Variants in BCAS3 observed in about 807,000 individuals in gnomAD.
BCAS3 encodes the protein BCAS4/BCAS3 fusion.
Under a neutral mutation model 116.1 loss-of-function variants are expected in BCAS3, and 53 were observed. That is an observed-to-expected ratio of 0.46 (90% CI 0.37 to 0.57). The LOEUF (loss-of-function observed/expected upper bound fraction) is 0.57. BCAS3 is among the 20% of genes least tolerant of loss of function. BCAS3 has a pLI of 0.00. For missense variants in BCAS3, 917 were observed against 1,165.4 expected, an observed-to-expected ratio of 0.79 and a Z score of 3.10; for synonymous variants, 391 against 408.2, an observed-to-expected ratio of 0.96 and a Z score of 0.51.
rs192167064 is a variant in BCAS3 at position 61,076,757 on chromosome 17, G to A, written c.2131-1576G>A. 5.1e-4 allele frequency among the ~76,000 whole-genome samples: 78 copies of A among 152,278 alleles called. 1 individual carries two copies. In the East Asian group the frequency reaches 0.014, roughly 28 times the overall value. ...GGCTCTGTGACACTGATGGTTTTGA[G>A]CTTAAAGTACACAGAATGCTTTATC... is the stretch of plus-strand genomic sequence containing the variant. On this transcript the variant is annotated intron_variant, in intron 20 of 23. Coordinates refer to ENST00000407086, the MANE Select transcript of BCAS3 (RefSeq NM_017679.5).
In BCAS3 at chr17:61,249,179, C is replaced by T. The variant is rs1046212121; in HGVS notation, c.2426-119148C>T. ...GCGGGTGCCTGTAATCCCAGCTACT[C>T]GGGAGGCTGAGGCAGGAGAATCACT... On this transcript the variant is annotated intron_variant, in intron 22 of 23. Coordinates refer to ENST00000407086, the MANE Select transcript of BCAS3 (RefSeq NM_017679.5). This position sits in a 1 kb window ranked among gnomAD's most constrained non-coding sequence, Gnocchi z 6.2. 4.0e-5 allele frequency among the ~76,000 whole-genome samples: 6 copies of T among 151,870 alleles called. No individual in the cohort carries two copies. Among genetic ancestry groups the T allele is most frequent in the African/African-American group, 9.7e-5 (4 of 41,316 alleles).
intron 22 of BCAS3, among the ~76,000 whole-genome samples, chr17:61,234,745 A>C (rs2082894276): frequency 6.7e-6 from 1 of 148,824 alleles, no homozygotes. Context: ...CTTCCCACTG[A>C]CTGTTAGAAC....
chr17:61,003,831 TGGAAGCTTTTTGAATGTG>T (rs1488113325), intron 15 of BCAS3: 2 of 152,166 alleles, frequency 1.3e-5, no homozygotes, highest in East Asian at 3.9e-4. Context: ...AGGAACTGAT[TGGAAGCTTTTTGAATGTG>T]GGAAGGGCAT....
rs1258445666 is a variant in BCAS3 at position 61,118,554 on chromosome 17, G to A, written c.2425+33990G>A. Among the ~76,000 whole-genome samples the A allele has an allele frequency of 6.6e-6, 1 of 152,170 alleles. No individual in the cohort carries two copies. Among genetic ancestry groups the A allele is most frequent in the Non-Finnish European group, 1.5e-5 (1 of 68,026 alleles). Reference sequence around the variant, plus strand: ...CTTCTCCAACACCACCCCTGTGGAGGTGTTGGGCACCTTGTCATAGCCTCT... The same window carrying A: ...CTTCTCCAACACCACCCCTGTGGAGATGTTGGGCACCTTGTCATAGCCTCT... On this transcript the variant is annotated intron_variant, in intron 22 of 23. Coordinates refer to ENST00000407086, the MANE Select transcript of BCAS3 (RefSeq NM_017679.5). The surrounding 1 kb of genome is among the most constrained non-coding windows in gnomAD (Gnocchi z 5.0).
intron 7 of BCAS3, among the ~76,000 whole-genome samples, chr17:60,840,962 A>C (rs2051844381): frequency 6.6e-6 from 1 of 152,176 alleles, no homozygotes; most frequent in Non-Finnish European, 1.5e-5. Context: ...AGAATTCCAG[A>C]AATGTTAGTG....
At chr17:60,757,627 AT>A (rs1011202353) in intron 6 of BCAS3, among the ~76,000 whole-genome samples, 1 of 151,844 alleles carries the variant, frequency 6.6e-6, no homozygotes, top group African/African-American at 2.4e-5. Context: ...AAATTGTTGA[AT>A]TTTTTGAGTT....
intron 6 of BCAS3, among the ~76,000 whole-genome samples, chr17:60,779,936 CT>C (rs1320444528): frequency 6.6e-6 from 1 of 151,730 alleles, no homozygotes; most frequent in African/African-American, 2.4e-5. Flanking sequence ...AGCTTGGTGT[CT>C]ATTGCAATAT....
At chr17:60,825,525 A>ATTATAATAATTTATAAATAATTAT (rs1215874840) in intron 7 of BCAS3, among the ~76,000 whole-genome samples, 27 of 139,418 alleles carry the variant, frequency 1.9e-4, no homozygotes, top group Middle Eastern at 3.7e-3. Context: ...ATTTATAAAT[A>ATTATAATAATTTATAAATAATTAT]TTATAATAAT....
intron 13 of BCAS3, among the ~76,000 whole-genome samples, chr17:60,933,121 G>T (rs1202093863): frequency 2.6e-5 from 4 of 151,842 alleles, no homozygotes; most frequent in Admixed American, 2.6e-4. Context: ...TTGCTGAGAT[G>T]GTGCCACTGT....
intron 6 of BCAS3, among the ~76,000 whole-genome samples, chr17:60,801,121 T>C (rs1283068582): frequency 6.6e-6 from 1 of 152,172 alleles, no homozygotes; most frequent in Non-Finnish European, 1.5e-5. Flanking sequence ...TTGGTAGGAA[T>C]TGCATTAAAC....
Position 61,241,591 on chromosome 17 carries a change from T to C in BCAS3, c.2426-126736T>C, listed in dbSNP as rs887284270. ...AAAATTAGCCGGCCGTGGTGGCGGG[T>C]GCCTGTAGTCCCAGCTACTCGGGAG... On this transcript the variant is annotated intron_variant, in intron 22 of 23. Coordinates refer to ENST00000407086, the MANE Select transcript of BCAS3 (RefSeq NM_017679.5). The surrounding 1 kb of genome is among the most constrained non-coding windows in gnomAD (Gnocchi z 4.6). Among the ~76,000 whole-genome samples the C allele has an allele frequency of 2.0e-5, 3 of 150,366 alleles. No individual in the cohort carries two copies. The highest frequency in any genetic ancestry group is 2.1e-4 in the South Asian group (1 of 4,770).
intron 13 of BCAS3, among the ~76,000 whole-genome samples, chr17:60,933,422 A>G (rs992300689): frequency 2.0e-5 from 3 of 152,220 alleles, no homozygotes; most frequent in Admixed American, 6.5e-5. Flanking sequence ...CAACACATCT[A>G]CATTTTAAAT....
chr17:61,030,344 T>G (rs2066543932), intron 16 of BCAS3, among the ~76,000 whole-genome samples: 2 of 152,118 alleles, frequency 1.3e-5, no homozygotes, highest in Non-Finnish European at 2.9e-5. Context: ...ATCATTGTCC[T>G]GTAATTTTTA....
intron 5 of BCAS3, among the ~76,000 whole-genome samples, chr17:60,743,511 A>C (rs533537895): frequency 1.7e-4 from 21 of 124,182 alleles, no homozygotes; most frequent in African/African-American, 8.3e-4. Context: ...AAAGTTTGCT[A>C]AAAAAAAAAA....
chr17:60,942,748 A>T (rs1183889655), intron 13 of BCAS3, among the ~76,000 whole-genome samples: 1 of 152,190 alleles, frequency 6.6e-6, no homozygotes, highest in Non-Finnish European at 1.5e-5. Context: ...CACTGAAATG[A>T]CTATCTTGTC....
At chr17:60,755,433 A>G in intron 6 of BCAS3, among the ~76,000 whole-genome samples, 1 of 152,190 alleles carries the variant, frequency 6.6e-6, no homozygotes. Flanking sequence ...CGGTTGGTAA[A>G]TGGTGAAACT....
At chr17:60,920,542 C>G (rs1256055296) in intron 12 of BCAS3, among the ~76,000 whole-genome samples, 1 of 152,072 alleles carries the variant, frequency 6.6e-6, no homozygotes, top group Non-Finnish European at 1.5e-5. Context: ...ACATGAGATG[C>G]CACCTTAACA....
intron 2 of BCAS3, among the ~76,000 whole-genome samples, chr17:60,683,204 A>G (rs1299522655): frequency 6.6e-6 from 1 of 152,178 alleles, no homozygotes; most frequent in Non-Finnish European, 1.5e-5. Context: ...CAGGTAAGGG[A>G]CTAGGTTCAT....
rs972240130 is a variant in BCAS3, at chr17:61,057,625, G to A, written c.2029+16733G>A. ...TCAGACCCAAGACATGTTAAAAGAG[G>A]AGGAAACAAGCAGCTAGGACACCTG... On this transcript the variant is annotated intron_variant, in intron 19 of 23. Coordinates refer to ENST00000407086, the MANE Select transcript of BCAS3 (RefSeq NM_017679.5). Among the ~76,000 whole-genome samples the A allele has an allele frequency of 8.6e-5, 13 of 151,714 alleles. No individual in the cohort carries two copies. The South Asian group carries it at 1.2e-3, about 15-fold the overall frequency.
Sources: gnomAD v4.1 joint callset for allele counts (sites outside exome capture counted in the v4.1 genomes callset) on GRCh38, gnomAD v4.1.1 for gene constraint, Gnocchi (gnomAD v3.1) non-coding constraint, MANE v1.5 for transcripts, NCBI Gene and HGNC (gene_info 2026-07-23, HGNC 2026-07-21) for gene names.